The following MTAP variants were observed in gnomAD, a reference collection of about 807,000 sequenced individuals.
MTAP encodes the protein S-methyl-5'-thioadenosine phosphorylase.
In MTAP, 33 loss-of-function variants were observed where a neutral mutation model predicts 33.6. The ratio of observed to expected loss-of-function variants is 0.98; its 90% CI spans 0.74 to 1.31. MTAP has a LOEUF of 1.31. Among genes scored for constraint, MTAP ranks in the 40% most tolerant of loss-of-function variants. The probability of loss-of-function intolerance (pLI) is 0.00; values close to 1 mark genes in which losing one functional copy is unlikely to be tolerated. For missense variants in MTAP, 367 were observed against 360.0 expected (o/e 1.02, Z -0.16); for synonymous variants, 148 against 125.7 (o/e 1.18, Z -1.19).
intron 4 of MTAP, among the ~76,000 whole-genome samples, chr9:21,835,119 G>C (rs112485893): frequency 0.017 from 2,601 of 152,220 alleles, 75 homozygotes; most frequent in African/African-American, 0.06. Flanking sequence ...CCTTCTTATT[G>C]TGTCCTTACA....
chr9:21,937,408 T>C (rs960460467), exon 8 of MTAP: 5 of 152,064 alleles, frequency 3.3e-5, no homozygotes, highest in Non-Finnish European at 7.4e-5. Flanking sequence ...TCTGTGAAAA[T>C]GACAGTTTTC....
At chr9:21,803,148 A>T in intron 1 of MTAP, 1 of 418,624 alleles carries the variant, frequency 2.4e-6, no homozygotes, top group South Asian at 1.0e-4. Flanking sequence ...CCTGAGAACC[A>T]CTCTTCTTCC....
chr9:21,903,554 C>G (rs913097313), intron 1 of MTAP, among the ~76,000 whole-genome samples: 1 of 152,002 alleles, frequency 6.6e-6, no homozygotes, highest in Admixed American at 6.6e-5. Context: ...CTCTGTTGAA[C>G]CCAGGCACTG....
At chr9:21,838,206 C>A (rs559293343) in intron 5 of MTAP, among the ~76,000 whole-genome samples, 196 bp downstream of exon 5, 35 of 152,306 alleles carry the variant, frequency 2.3e-4, no homozygotes, top group African/African-American at 7.2e-4. Flanking sequence ...TCATTTTAAG[C>A]TGAACCACTC....
chr9:21,934,689 G>T (rs1180289594), downstream of MTAP: 1 of 151,466 alleles, frequency 6.6e-6, no homozygotes, highest in Admixed American at 6.6e-5. The surrounding 1 kb of genome is among the most constrained non-coding windows in gnomAD (Gnocchi z 5.0). Context: ...AAAAAAACAA[G>T]TATTTAACTT....
At chr9:21,914,285 A>G (rs1021242554) in intron 1 of MTAP, among the ~76,000 whole-genome samples, 1 of 152,212 alleles carries the variant, frequency 6.6e-6, no homozygotes, top group Non-Finnish European at 1.5e-5. Flanking sequence ...TACTGGGTAT[A>G]TATCCAAAGG....
chr9:21,859,165 T>C (rs1344500614), intron 6 of MTAP, 138 bp from the exon 7 acceptor site: 1 of 1,287,480 alleles, frequency 7.8e-7, no homozygotes, highest in Non-Finnish European at 1.1e-6. Flanking sequence ...TACCCTACAT[T>C]GAGGATTCGG....
At chr9:21,914,897 A>G (rs1484159920) in intron 1 of MTAP, among the ~76,000 whole-genome samples, 1 of 151,846 alleles carries the variant, frequency 6.6e-6, no homozygotes, top group Non-Finnish European at 1.5e-5. Flanking sequence ...TTTTATATGA[A>G]AAGAGTCATA....
At chr9:21,917,904 G>A (rs1818716495) in intron 1 of MTAP, among the ~76,000 whole-genome samples, 1 of 152,140 alleles carries the variant, frequency 6.6e-6, no homozygotes, top group South Asian at 2.1e-4. Flanking sequence ...GAATACTACT[G>A]AGCTATAAAA....
At chr9:21,836,541 C>T (rs1825111830) in intron 4 of MTAP, among the ~76,000 whole-genome samples, 1 of 152,084 alleles carries the variant, frequency 6.6e-6, no homozygotes, top group Admixed American at 6.5e-5. Flanking sequence ...GTTGCTAATG[C>T]TTGACTCATC....
At chr9:21,919,447 A>C (rs537650915) in intron 1 of MTAP, among the ~76,000 whole-genome samples, 4 of 152,252 alleles carry the variant, frequency 2.6e-5, no homozygotes, top group African/African-American at 9.6e-5. Context: ...GAGCAAAAAA[A>C]CAGATGGTAA....
chr9:21,863,124 TAATA>T lies in MTAP; in HGVS notation c.*1111_*1114del. Reference sequence around the variant, plus strand: ...AGCTTTCTGAGAAAAGCTAGGTGTTTAATAGTTTAACTGAAAGTTTAACTATTTA... The same window carrying T: ...AGCTTTCTGAGAAAAGCTAGGTGTTTGTTTAACTGAAAGTTTAACTATTTA... On this transcript the variant is annotated 3_prime_UTR_variant, in exon 8 of 8. Transcript: ENST00000644715. 2.0e-6 allele frequency: 2 copies of T among 981,038 alleles called. No individual in the cohort carries two copies. Among genetic ancestry groups the T allele is most frequent in the Non-Finnish European group, 2.4e-6 (2 of 825,918 alleles). 60.8% of individuals were successfully genotyped at this position (981,038 alleles called of 1,614,324 possible).
At chr9:21,938,009 A>G (rs908632136), downstream of MTAP, among the ~76,000 whole-genome samples, 59 of 152,200 alleles carry the variant, frequency 3.9e-4, no homozygotes, top group African/African-American at 1.3e-3. Flanking sequence ...GTGGTGGCTC[A>G]TGCCTGTAAT....
At chr9:21,937,875 C>G (rs1819066154), downstream of MTAP, among the ~76,000 whole-genome samples, 1 of 152,124 alleles carries the variant, frequency 6.6e-6, no homozygotes, top group African/African-American at 2.4e-5. Flanking sequence ...CACAGTGGCT[C>G]AGGCCTGTAA....
chr9:21,925,657 C>T (rs2131039643), intron 1 of MTAP, among the ~76,000 whole-genome samples: 1 of 152,288 alleles, frequency 6.6e-6, no homozygotes, highest in South Asian at 2.1e-4. Context: ...CTTTCTGTCA[C>T]AAACTCAACC....
intron 5 of MTAP, among the ~76,000 whole-genome samples, chr9:21,849,207 A>T (rs561181308): frequency 2.6e-5 from 4 of 152,318 alleles, no homozygotes; most frequent in Non-Finnish European, 5.9e-5. Context: ...TATATTACCA[A>T]CAATTTATGC....
Position 21,862,107 on chromosome 9 carries a change from G to A in MTAP, c.*93G>A. 6.2e-7 allele frequency: 1 copy of A among 1,605,898 alleles called. No homozygotes were observed. Among genetic ancestry groups the A allele is most frequent in the Non-Finnish European group, 8.5e-7 (1 of 1,176,490 alleles). On this transcript the variant is annotated 3_prime_UTR_variant, in exon 8 of 8. Transcript: ENST00000644715. ...CTTGAAAAAAATATGGGAAAGACATGCAGCTTTCATGCCCTTGCCTATCAA... is the reference window on the plus strand; with the variant it reads ...CTTGAAAAAAATATGGGAAAGACATACAGCTTTCATGCCCTTGCCTATCAA...
chr9:21,831,330 A>C (rs1304242508), intron 4 of MTAP, among the ~76,000 whole-genome samples: 1 of 152,024 alleles, frequency 6.6e-6, no homozygotes, highest in Non-Finnish European at 1.5e-5. Context: ...AAAGATGCCC[A>C]CATTGTATTT....
downstream of MTAP, among the ~76,000 whole-genome samples, chr9:21,869,310 T>C (rs977097834): frequency 6.6e-6 from 1 of 152,192 alleles, no homozygotes; most frequent in African/African-American, 2.4e-5. Flanking sequence ...GGTCACCGAT[T>C]TACTGCATGT....
Sources: allele counts gnomAD v4.1 joint callset (sites outside exome capture counted in the v4.1 genomes callset), GRCh38; gene constraint gnomAD v4.1.1; non-coding constraint Gnocchi (gnomAD v3.1); transcripts MANE v1.5; gene names NCBI Gene and HGNC (gene_info 2026-07-23, HGNC 2026-07-21).